Variants in GPC5 observed in about 807,000 individuals in gnomAD.
The protein encoded by GPC5 is glypican 5, also known as glypican-5.
In GPC5, 47 loss-of-function variants were observed where a neutral mutation model predicts 53.9. That is an observed-to-expected ratio of 0.87 (90% confidence interval 0.69 to 1.11). The LOEUF (loss-of-function observed/expected upper bound fraction) is 1.11, where lower values mean the gene tolerates loss of function less well. GPC5 is among the 50% of genes most tolerant of loss of function. The pLI is 0.00. For synonymous variants in GPC5, 286 were observed against 263.3 expected, an observed-to-expected ratio of 1.09 and a Z score of -0.84; for missense variants, 748 against 713.1, an observed-to-expected ratio of 1.05 and a Z score of -0.56.
At chr13:92,228,340 G>A (rs1387326605) in intron 7 of GPC5, among the ~76,000 whole-genome samples, 1 of 152,056 alleles carries the variant, frequency 6.6e-6, no homozygotes, top group Non-Finnish European at 1.5e-5. Flanking sequence ...TAAAATTATT[G>A]TAATATTTTG....
chr13:92,726,468 T>C (rs1010857893), intron 7 of GPC5, among the ~76,000 whole-genome samples: 1 of 151,558 alleles, frequency 6.6e-6, no homozygotes, highest in African/African-American at 2.4e-5. Flanking sequence ...ACATAGTTCA[T>C]TGAAACCTTG....
intron 1 of GPC5, among the ~76,000 whole-genome samples, chr13:91,400,530 AT>A (rs1381461019): frequency 1.3e-5 from 2 of 152,164 alleles, no homozygotes; most frequent in Non-Finnish European, 2.9e-5. Flanking sequence ...TTCTTAGTGC[AT>A]TCTTTTCATT....
chr13:92,541,018 C>T (rs915409683), intron 7 of GPC5, among the ~76,000 whole-genome samples: 1 of 151,658 alleles, frequency 6.6e-6, no homozygotes, highest in Non-Finnish European at 1.5e-5. Flanking sequence ...TTGGATATAA[C>T]AGGTGAAGAT....
At chr13:91,447,053 G>A (rs539659915) in intron 1 of GPC5, among the ~76,000 whole-genome samples, 137 of 152,234 alleles carry the variant, frequency 9.0e-4, no homozygotes, top group Admixed American at 9.2e-4. Flanking sequence ...GACTGGAGAG[G>A]GAGGGAGGAA....
chr13:91,478,853 TATATATACACACAC>T (rs1883118018), intron 2 of GPC5, among the ~76,000 whole-genome samples: 3 of 122,480 alleles, frequency 2.4e-5, no homozygotes, highest in Admixed American at 8.8e-5. Flanking sequence ...ACACATTATA[TATATATACACACAC>T]ATATATATAC....
At chr13:91,706,988 G>GA (rs747075523) in intron 3 of GPC5, among the ~76,000 whole-genome samples, 1 of 151,696 alleles carries the variant, frequency 6.6e-6, no homozygotes, top group Non-Finnish European at 1.5e-5. Flanking sequence ...TAGAAAACTG[G>GA]AAAAAACTAT....
chr13:91,792,272 A>G (rs1594568146), intron 5 of GPC5, among the ~76,000 whole-genome samples: 1 of 152,218 alleles, frequency 6.6e-6, no homozygotes. Flanking sequence ...CAACCAACAC[A>G]TCTAGTATAG....
At chr13:91,420,945 G>C (rs1225472889) in intron 1 of GPC5, among the ~76,000 whole-genome samples, 1 of 152,184 alleles carries the variant, frequency 6.6e-6, no homozygotes, top group African/African-American at 2.4e-5. Flanking sequence ...CTTTACAGCA[G>C]TGTGAAAATG....
intron 6 of GPC5, among the ~76,000 whole-genome samples, chr13:92,117,261 T>C (rs1255047136): frequency 6.6e-6 from 1 of 152,222 alleles, no homozygotes; most frequent in Non-Finnish European, 1.5e-5. Context: ...GGCATTATGT[T>C]GCCTTTGCAC....
intron 5 of GPC5, among the ~76,000 whole-genome samples, chr13:91,847,827 CATTTT>C (rs1426090425): frequency 2.4e-4 from 37 of 152,250 alleles, no homozygotes; most frequent in African/African-American, 8.9e-4. Context: ...AATTTTAACT[CATTTT>C]ATTTTCAAAA....
intron 7 of GPC5, among the ~76,000 whole-genome samples, chr13:92,422,486 T>TCACA (rs1491099043): frequency 1.2e-5 from 1 of 82,222 alleles, no homozygotes. Flanking sequence ...CCCATCACCA[T>TCACA]CTCACACACA....
chr13:91,549,889 C>T (rs2030525410), intron 2 of GPC5, among the ~76,000 whole-genome samples: 1 of 152,232 alleles, frequency 6.6e-6, no homozygotes, highest in Non-Finnish European at 1.5e-5. Context: ...CACTATCCAG[C>T]AGTCATACTC....
At chr13:92,555,263 T>C (rs762457990) in intron 7 of GPC5, among the ~76,000 whole-genome samples, 3 of 151,488 alleles carry the variant, frequency 2.0e-5, no homozygotes, top group Non-Finnish European at 3.0e-5. Context: ...AGCAGCAATT[T>C]ATTGATAGAA....
At chr13:91,864,236 T>C (rs2039060803) in intron 5 of GPC5, among the ~76,000 whole-genome samples, 1 of 152,206 alleles carries the variant, frequency 6.6e-6, no homozygotes, top group African/African-American at 2.4e-5. Context: ...GAATGTAAGA[T>C]AGTAGTTTTC....
At chr13:91,728,474 A>G (rs1020378709) in intron 3 of GPC5, 58 bp from the exon 4 acceptor site, 2 of 1,543,888 alleles carry the variant, frequency 1.3e-6, no homozygotes, top group Non-Finnish European at 1.8e-6. Flanking sequence ...GAAACATCAC[A>G]TTCTCAGAAA....
At chr13:92,009,332 G>A (rs1168459944) in intron 6 of GPC5, among the ~76,000 whole-genome samples, 2 of 150,054 alleles carry the variant, frequency 1.3e-5, no homozygotes, top group South Asian at 2.1e-4. Flanking sequence ...TAGTTACTGG[G>A]AGATCAGCTT....
At chr13:91,734,912 A>G (rs569540306) in intron 4 of GPC5, among the ~76,000 whole-genome samples, 13 of 150,376 alleles carry the variant, frequency 8.6e-5, no homozygotes, top group Middle Eastern at 3.5e-3. Context: ...TTTCCTTTTC[A>G]GTGTTAGCTG....
chr13:92,844,038 A>G (rs2138836615), intron 7 of GPC5, among the ~76,000 whole-genome samples: 1 of 151,704 alleles, frequency 6.6e-6, no homozygotes, highest in Admixed American at 6.6e-5. Context: ...GTCTACTCCA[A>G]CCACCTCATT....
intron 7 of GPC5, among the ~76,000 whole-genome samples, chr13:92,228,400 A>C (rs1455135785): frequency 6.6e-6 from 1 of 152,214 alleles, no homozygotes; most frequent in African/African-American, 2.4e-5. Context: ...ATAAACATTT[A>C]TAAAAAATGT....
Sources: allele counts gnomAD v4.1 joint callset (sites outside exome capture counted in the v4.1 genomes callset), GRCh38; gene constraint gnomAD v4.1.1; transcripts MANE v1.5; gene names NCBI Gene and HGNC (gene_info 2026-07-23, HGNC 2026-07-21).